VPS13D: variants seen among roughly 807,000 people sequenced by gnomAD.
VPS13D encodes the protein vacuolar protein sorting 13 homolog D.
In VPS13D, 187 loss-of-function variants were observed where a neutral mutation model predicts 461.9. The ratio of observed to expected loss-of-function variants is 0.40; its 90% confidence interval spans 0.36 to 0.46. The LOEUF (loss-of-function observed/expected upper bound fraction) is 0.46, where lower values mean the gene tolerates loss of function less well. VPS13D is among the 20% of genes least tolerant of loss of function. VPS13D has a pLI of 0.60. For missense variants in VPS13D, 4,711 were observed against 5,364.9 expected (o/e 0.88, Z 3.81); for synonymous variants, 1,951 against 1,986.3 (o/e 0.98, Z 0.47).
Position 12,277,785 on chromosome 1 carries a change from G to A in VPS13D, c.4197G>A (p.Val1399=). 6.2e-7 allele frequency: 1 copy of A among 1,614,150 alleles called. No homozygotes were observed. Among genetic ancestry groups the A allele is most frequent in the Non-Finnish European group, 8.5e-7 (1 of 1,180,024 alleles). ...AGCCGGGGAGTCCTGAGTTGTTGGT[G>A]GGACACTTGGGACAGATATTCATCC... The part of the protein sequence containing the change: ...PRKPGSPELL[V]GHLGQIFIQN... Residue 1399 remains valine (V), a synonymous_variant, in exon 19 of 70, where the codon GTG becomes GTA. Coordinates refer to ENST00000620676, the MANE Select transcript of VPS13D (RefSeq NM_015378.4).
chr1:12,269,303 C>T (rs1388586648), intron 16 of VPS13D, among the ~76,000 whole-genome samples: 1 of 152,158 alleles, frequency 6.6e-6, no homozygotes, highest in East Asian at 1.9e-4. Flanking sequence ...GGGAGTTCAT[C>T]ATCTTTTTTA....
At chr1:12,423,772 T>A (rs1644890882) in intron 65 of VPS13D, among the ~76,000 whole-genome samples, 5 of 152,234 alleles carry the variant, frequency 3.3e-5, no homozygotes, top group Admixed American at 3.3e-4. Context: ...TCATATATAC[T>A]ATGACCTTGT....
chr1:12,444,892 T>A (rs1645174323), intron 65 of VPS13D, among the ~76,000 whole-genome samples: 1 of 152,212 alleles, frequency 6.6e-6, no homozygotes, highest in Non-Finnish European at 1.5e-5. Flanking sequence ...GAGTTAAACT[T>A]CTTCTTTCCT....
chr1:12,395,363 G>A (rs1644481431), intron 60 of VPS13D, among the ~76,000 whole-genome samples: 1 of 152,160 alleles, frequency 6.6e-6, no homozygotes, highest in Admixed American at 6.5e-5. Flanking sequence ...CAAGTTGCAG[G>A]GTCCCATTCT....
At chr1:12,463,403 T>C (rs1262955235) in intron 67 of VPS13D, among the ~76,000 whole-genome samples, 1 of 152,194 alleles carries the variant, frequency 6.6e-6, no homozygotes. Flanking sequence ...TTCACCAATG[T>C]CCCTCAGTCC....
chr1:12,363,004 G>C (rs549928284), intron 51 of VPS13D, 68 bp from the exon 52 acceptor site: 3 of 1,592,220 alleles, frequency 1.9e-6, no homozygotes, highest in Middle Eastern at 1.7e-4. Flanking sequence ...GCTCAGAGTA[G>C]GTACTCAGTA....
At chr1:12,402,012 C>T (rs537014152) in intron 62 of VPS13D, among the ~76,000 whole-genome samples, 2 of 152,294 alleles carry the variant, frequency 1.3e-5, no homozygotes, top group East Asian at 3.9e-4. Context: ...TTCATCTGCT[C>T]TAGGATGACA....
chr1:12,501,944 G>A (rs929839002), intron 68 of VPS13D, among the ~76,000 whole-genome samples: 1 of 152,204 alleles, frequency 6.6e-6, no homozygotes, highest in Non-Finnish European at 1.5e-5. Context: ...ACACGGGACA[G>A]AAGAGCTCAC....
intron 54 of VPS13D, 107 bp downstream of exon 54, chr1:12,369,809 C>A (rs1644091645): frequency 2.0e-6 from 2 of 1,019,262 alleles, no homozygotes; most frequent in African/African-American, 1.6e-5. Context: ...AAGGAAGATT[C>A]TTTCATTCTT....
rs752005765 is a variant in VPS13D at position 12,368,462 on chromosome 1, C to A, written c.10449-6C>A. ...ATGTAGCCTCTTTTGTTTCCTTGTCCTGCAGGGATACCTTGGGAAAATGCT... is the reference window on the plus strand; with the variant it reads ...ATGTAGCCTCTTTTGTTTCCTTGTCATGCAGGGATACCTTGGGAAAATGCT... On this transcript the variant is annotated splice_polypyrimidine_tract_variant and splice_region_variant and intron_variant, in intron 52 of 69. Coordinates refer to ENST00000620676, the MANE Select transcript of VPS13D (RefSeq NM_015378.4). 1 of 1,608,478 alleles carries A rather than the reference C, an allele frequency of 6.2e-7. No homozygotes were observed. The highest frequency in any genetic ancestry group is 2.2e-5 in the East Asian group (1 of 44,754).
At chr1:12,306,724 C>T (rs991603241) in intron 26 of VPS13D, among the ~76,000 whole-genome samples, 7 of 152,160 alleles carry the variant, frequency 4.6e-5, no homozygotes, top group African/African-American at 1.7e-4. Context: ...TTTTTGGCAT[C>T]AGGGACCAGT....
At chr1:12,256,890 T>A in intron 8 of VPS13D, 97 bp from the exon 9 acceptor site, 1 of 1,290,688 alleles carries the variant, frequency 7.7e-7, no homozygotes, top group South Asian at 1.3e-5. Context: ...ATTCAGTGGA[T>A]CAACTAATGT....
At chr1:12,350,327 A>G (rs1342495530) in intron 46 of VPS13D, among the ~76,000 whole-genome samples, 2 of 152,194 alleles carry the variant, frequency 1.3e-5, no homozygotes, top group East Asian at 1.9e-4. Flanking sequence ...TACAGAATGT[A>G]TTTCCTGATC....
At chr1:12,268,948 G>T (rs1381663272) in intron 16 of VPS13D, 72 bp downstream of exon 16, 4 of 1,530,638 alleles carry the variant, frequency 2.6e-6, no homozygotes, top group African/African-American at 1.4e-5. Flanking sequence ...TGGTGTTCTG[G>T]ACAAGGGTTA....
intron 55 of VPS13D, among the ~76,000 whole-genome samples, chr1:12,374,568 T>A (rs75184847): frequency 1.3e-4 from 20 of 152,304 alleles, no homozygotes; most frequent in Non-Finnish European, 2.8e-4. Context: ...TCTTTTTCTT[T>A]TTATAATCAG....
rs1641704619 is a variant in VPS13D at position 12,279,122 on chromosome 1, G to A, written c.4451-377G>A. On this transcript the variant is annotated intron_variant, in intron 19 of 69. Coordinates refer to ENST00000620676, the MANE Select transcript of VPS13D (RefSeq NM_015378.4). The surrounding 1 kb of genome is among the most constrained non-coding windows in gnomAD (Gnocchi z 4.3). ...TAGGCCTAATAAGAGGGATACATCT[G>A]TATCTGAAAGCTAGGTAAGGATGAA... 1.3e-5 allele frequency among the ~76,000 whole-genome samples: 2 copies of A among 152,196 alleles called. No homozygotes were observed.
chr1:12,415,994 A>G (rs986167754), intron 64 of VPS13D, among the ~76,000 whole-genome samples: 16 of 152,254 alleles, frequency 1.1e-4, no homozygotes, highest in African/African-American at 3.9e-4. Flanking sequence ...CAGCCTAGGC[A>G]ACATATTGAG....
chr1:12,319,656 G>A, intron 32 of VPS13D, 26 bp downstream of exon 32: 1 of 1,614,112 alleles, frequency 6.2e-7, no homozygotes, highest in Non-Finnish European at 8.5e-7. Flanking sequence ...GTTGATCACA[G>A]CACTGCGTGT....
At chr1:12,281,988 A>G (rs1272547537) in intron 20 of VPS13D, among the ~76,000 whole-genome samples, 3 of 151,880 alleles carry the variant, frequency 2.0e-5, no homozygotes, top group Non-Finnish European at 4.4e-5. Context: ...CCTGGGCTCA[A>G]GCGGTCCTCC....
Sources: gnomAD v4.1 joint callset for allele counts (sites outside exome capture counted in the v4.1 genomes callset) on GRCh38, gnomAD v4.1.1 for gene constraint, Gnocchi (gnomAD v3.1) non-coding constraint, MANE v1.5 for transcripts, NCBI Gene and HGNC (gene_info 2026-07-23, HGNC 2026-07-21) for gene names.